Variants in JMJD1C observed in about 807,000 individuals in gnomAD.
JMJD1C encodes the protein jumonji domain-containing protein 1C.
JMJD1C carries 31 observed loss-of-function variants against 245.3 expected under a neutral mutation model. The ratio of observed to expected loss-of-function variants is 0.13; its 90% CI spans 0.09 to 0.17. The LOEUF is 0.17. JMJD1C is among the 10% of genes least tolerant of loss of function. JMJD1C has a pLI of 1.00. For missense variants in JMJD1C, 2,691 were observed against 3,000.2 expected (o/e 0.90, Z 2.41); for synonymous variants, 1,057 against 1,017.4 (o/e 1.04, Z -0.74).
At chr10:63,294,465 T>G (rs999733632) in intron 2 of JMJD1C, among the ~76,000 whole-genome samples, 20 of 152,198 alleles carry the variant, frequency 1.3e-4, no homozygotes, top group African/African-American at 4.3e-4. Context: ...TTTGTATTTT[T>G]GGTAGACACG....
chr10:63,470,418 T>C (rs1486822350), upstream of JMJD1C, among the ~76,000 whole-genome samples: 1 of 152,180 alleles, frequency 6.6e-6, no homozygotes, highest in African/African-American at 2.4e-5. Flanking sequence ...TTATGTACAT[T>C]ATCTCTTTTC....
intron 2 of JMJD1C, among the ~76,000 whole-genome samples, chr10:63,325,505 T>C (rs1042801791): frequency 9.2e-5 from 14 of 152,146 alleles, no homozygotes; most frequent in Non-Finnish European, 1.6e-4. Flanking sequence ...CCCACCCAGC[T>C]AATTCCTCCG....
At chr10:63,507,856 C>A (rs1338918479) in intron 1 of JMJD1C, among the ~76,000 whole-genome samples, 3 of 152,054 alleles carry the variant, frequency 2.0e-5, no homozygotes, top group Admixed American at 6.6e-5. Context: ...GTTTACCTGC[C>A]ATCTACAAAT....
At chr10:63,260,658 C>T (rs935757839) in intron 3 of JMJD1C, among the ~76,000 whole-genome samples, 16 of 151,984 alleles carry the variant, frequency 1.1e-4, no homozygotes, top group South Asian at 4.2e-4. Context: ...GGCGCGGTCT[C>T]GGCTCACTGA....
intron 2 of JMJD1C, among the ~76,000 whole-genome samples, chr10:63,345,380 G>A (rs548823308): frequency 4.6e-5 from 7 of 151,856 alleles, no homozygotes; most frequent in South Asian, 2.1e-4. Flanking sequence ...CCAGCTACTC[G>A]GGAAGCTAAG....
At chr10:63,221,229 G>C (rs1402397470) in intron 3 of JMJD1C, among the ~76,000 whole-genome samples, 2 of 152,120 alleles carry the variant, frequency 1.3e-5, no homozygotes, top group South Asian at 4.1e-4. Context: ...CCAAAAGGTA[G>C]CTGAAGTGTA....
intron 2 of JMJD1C, among the ~76,000 whole-genome samples, 153 bp from the exon 3 acceptor site, chr10:63,264,917 T>C (rs962190050): frequency 2.0e-5 from 3 of 152,016 alleles, no homozygotes; most frequent in African/African-American, 7.2e-5. Flanking sequence ...CTAATGCTTT[T>C]ATCTACACCA....
chr10:63,288,585 C>T (rs560069539), intron 2 of JMJD1C, among the ~76,000 whole-genome samples: 2 of 152,206 alleles, frequency 1.3e-5, no homozygotes, highest in South Asian at 2.1e-4. Flanking sequence ...TGTTCATGCT[C>T]TTATTGTTGA....
Position 63,486,719 on chromosome 10 carries a change from A to G in JMJD1C, n.113+35019T>C, listed in dbSNP as rs144331703. The stretch of plus-strand genomic sequence containing the variant: ...AAGTGAACTGCATGACTTTCTCCAA[A>G]TAACTCCAAATAACTCTGCATGGCT... On this transcript the variant is annotated intron_variant and non_coding_transcript_variant, in intron 1 of 3. Transcript: ENST00000633035. 9.4e-4 allele frequency among the ~76,000 whole-genome samples: 143 copies of G among 152,260 alleles called. No individual in the cohort carries two copies. The East Asian group carries it at 0.012, about 12-fold the overall frequency.
intron 3 of JMJD1C, among the ~76,000 whole-genome samples, chr10:63,224,148 C>T (rs1848969548): frequency 2.6e-5 from 4 of 152,110 alleles, no homozygotes; most frequent in African/African-American, 7.2e-5. Flanking sequence ...AATTATCTAG[C>T]GGAAATAGCA....
At chr10:63,300,687 T>C (rs569716611) in intron 2 of JMJD1C, among the ~76,000 whole-genome samples, 4 of 151,320 alleles carry the variant, frequency 2.6e-5, no homozygotes, top group Non-Finnish European at 5.9e-5. Flanking sequence ...GGCCAAAGAG[T>C]TCAAGACCAG....
At chr10:63,273,754 ACTTC>A (rs950631543) in intron 2 of JMJD1C, among the ~76,000 whole-genome samples, 2 of 152,102 alleles carry the variant, frequency 1.3e-5, no homozygotes, top group African/African-American at 4.8e-5. Flanking sequence ...CACATCTCTA[ACTTC>A]CTTCCTTTTT....
At chr10:63,281,489 G>A (rs1213233279) in intron 2 of JMJD1C, among the ~76,000 whole-genome samples, 1 of 43,600 alleles carries the variant, frequency 2.3e-5, no homozygotes, top group African/African-American at 1.0e-4. Context: ...TTTTTTTTTT[G>A]AGACGGAGTC....
chr10:63,317,083 T>C (rs1940171673), intron 2 of JMJD1C, among the ~76,000 whole-genome samples: 1 of 151,166 alleles, frequency 6.6e-6, no homozygotes, highest in Admixed American at 6.6e-5. Flanking sequence ...TGGTTTTGAA[T>C]TCCTGACCTC....
chr10:63,433,644 G>A (rs1950905701), intron 1 of JMJD1C, among the ~76,000 whole-genome samples: 1 of 148,236 alleles, frequency 6.7e-6, no homozygotes, highest in Non-Finnish European at 1.5e-5. Context: ...GGAGTGCAAG[G>A]GTGAGATCAT....
chr10:63,398,569 A>C (rs1385439462), intron 1 of JMJD1C, among the ~76,000 whole-genome samples: 7 of 152,182 alleles, frequency 4.6e-5, no homozygotes, highest in Non-Finnish European at 7.3e-5. Context: ...AATTGTCTAA[A>C]TCTAGTAATT....
intron 1 of JMJD1C, among the ~76,000 whole-genome samples, chr10:63,393,029 G>T (rs1948202746): frequency 6.6e-6 from 1 of 151,932 alleles, no homozygotes; most frequent in African/African-American, 2.4e-5. Flanking sequence ...CACTTCCAGA[G>T]GCCAAGTTAG....
chr10:63,345,658 G>C (rs1041232698), intron 2 of JMJD1C, among the ~76,000 whole-genome samples: 15 of 152,092 alleles, frequency 9.9e-5, no homozygotes, highest in African/African-American at 3.4e-4. Context: ...CCAGAGGTTA[G>C]GAGTAGGGAG....
intron 10 of JMJD1C, among the ~76,000 whole-genome samples, chr10:63,201,943 G>A (rs769331391): frequency 6.7e-6 from 1 of 150,326 alleles, no homozygotes; most frequent in Non-Finnish European, 1.5e-5. Context: ...AAAAACAAAA[G>A]AGGAAAGAAA....
Sources: gnomAD v4.1 joint callset for allele counts (sites outside exome capture counted in the v4.1 genomes callset) on GRCh38, gnomAD v4.1.1 for gene constraint, MANE v1.5 for transcripts, NCBI Gene and HGNC (gene_info 2026-07-23, HGNC 2026-07-21) for gene names.